CKB: variants seen among roughly 807,000 people sequenced by gnomAD.
CKB encodes creatine kinase B-type.
A neutral mutation model predicts 36.9 loss-of-function variants in CKB; 15 were observed. The ratio of observed to expected loss-of-function variants is 0.41; its 90% CI spans 0.27 to 0.63. CKB has a LOEUF of 0.63. Ranked by LOEUF, CKB falls within the 20% of genes least tolerant of loss-of-function variation. The pLI is 0.34. For missense variants in CKB, 413 were observed against 534.9 expected, an observed-to-expected ratio of 0.77 and a Z score of 2.25; for synonymous variants, 250 against 228.2, an observed-to-expected ratio of 1.10 and a Z score of -0.86.
chr14:103,521,168 GCCGCGAGGGGCCCCACCC>G (rs2075897511), intron 5 of CKB, 77 bp downstream of exon 5: 7 of 1,418,844 alleles, frequency 4.9e-6, no homozygotes, highest in East Asian at 5.0e-5. Flanking sequence ...CCTCCTCCTC[GCCGCGAGGGGCCCCACCC>G]CCGCGAGGGG....
In CKB at chr14:103,522,511, G is replaced by A. The variant is rs1056596056; in HGVS notation, c.-12-6C>T. On this transcript the variant is annotated splice_region_variant and splice_polypyrimidine_tract_variant and intron_variant, in intron 1 of 7. Coordinates refer to ENST00000348956, the MANE Select transcript of CKB (RefSeq NM_001823.5). The surrounding 1 kb of genome is among the most constrained non-coding windows in gnomAD (Gnocchi z 6.7). ...AAGGGCATGGCGGCGGCGGGCTGCG[G>A]GGAGACGCGGGGTCAGAGGGGACCG... 1.9e-6 allele frequency: 3 copies of A among 1,587,854 alleles called. No individual in the cohort carries two copies. Among genetic ancestry groups the A allele is most frequent in the East Asian group, 2.3e-5 (1 of 42,630 alleles).
Position 103,522,728 on chromosome 14 carries a change from C to G in CKB, c.-13+38G>C, listed in dbSNP as rs1332199382. 2 of 151,360 alleles carry G rather than the reference C, an allele frequency of 1.3e-5. No individual in the cohort carries two copies. Among genetic ancestry groups the G allele is most frequent in the East Asian group, 3.9e-4 (2 of 5,090 alleles). The allele number at this position is 151,360 out of a possible 1,614,324, so 9.4% of individuals were successfully genotyped here. A position where few individuals can be genotyped will look rare whatever the true frequency, so the allele number is the denominator to read the frequency against. Reference sequence around the variant, plus strand: ...CCCCCTTTGCACGCAGCGCCCCTAGCCCGGGCGCGGACGCCCCCGGCCCCC... The same window carrying G: ...CCCCCTTTGCACGCAGCGCCCCTAGGCCGGGCGCGGACGCCCCCGGCCCCC... On this transcript the variant is annotated intron_variant, in intron 1 of 7. Transcript: ENST00000348956. The surrounding 1 kb of genome is among the most constrained non-coding windows in gnomAD (Gnocchi z 6.7).
Position 103,519,755 on chromosome 14 carries a change from C to T in CKB, c.*109G>A. ...CTACCAAGGGTGACGGAAGTCTCTA[C>T]AGCAAGGCTAAGGGCTCGCCAGACG... On this transcript the variant is annotated 3_prime_UTR_variant, in exon 8 of 8. Coordinates refer to ENST00000348956, the MANE Select transcript of CKB (RefSeq NM_001823.5). 2 of 1,289,718 alleles carry T rather than the reference C, an allele frequency of 1.6e-6. No homozygotes were observed. Among genetic ancestry groups the T allele is most frequent in the Non-Finnish European group, 2.1e-6 (2 of 943,334 alleles). 79.9% of individuals were successfully genotyped at this position (1,289,718 alleles called of 1,614,324 possible).
At chr14:103,521,170 C>G in intron 5 of CKB, 93 bp downstream of exon 5, 1 of 1,445,232 alleles carries the variant, frequency 6.9e-7, no homozygotes, top group Non-Finnish European at 9.3e-7. Context: ...TCCTCCTCGC[C>G]GCGAGGGGCC....
At chr14:103,521,619 C>T in intron 4 of CKB, 185 bp from the exon 5 acceptor site, 2 of 913,328 alleles carry the variant, frequency 2.2e-6, no homozygotes, top group Non-Finnish European at 3.0e-6. Flanking sequence ...CCAGGACCCG[C>T]CCTCCCTGGG....
chr14:103,522,275 G>A lies in CKB; in HGVS notation c.193+26C>T, dbSNP rs2985906. 2.7e-5 allele frequency: 43 copies of A among 1,585,854 alleles called. 2 individuals are homozygous for A. Among genetic ancestry groups the A allele is most frequent in the Admixed American group, 2.0e-4 (11 of 56,152 alleles). The stretch of plus-strand genomic sequence containing the variant: ...GCTGCGCGGGGGGAGGGGGGGCCGG[G>A]ACCCCGGCCCCGAGGGGTCGCGTAC... On this transcript the variant is annotated intron_variant, in intron 2 of 7. Coordinates refer to ENST00000348956, the MANE Select transcript of CKB (RefSeq NM_001823.5). The surrounding 1 kb of genome is among the most constrained non-coding windows in gnomAD (Gnocchi z 6.7).
chr14:103,520,901 C>G (rs530516883), intron 5 of CKB, among the ~76,000 whole-genome samples: 24 of 152,278 alleles, frequency 1.6e-4, no homozygotes, highest in Admixed American at 1.0e-3. Flanking sequence ...CGTCACCAGC[C>G]CCTGGTAGAA....
intron 6 of CKB, 60 bp from the exon 7 acceptor site, chr14:103,520,371 A>AGACT: frequency 6.3e-7 from 1 of 1,585,664 alleles, no homozygotes; most frequent in Non-Finnish European, 8.6e-7. Context: ...ACAGGCCCTG[A>AGACT]GACTCCCCAG....
In CKB at chr14:103,521,443, G is replaced by T; in HGVS notation, c.482-9C>A. The T allele has an allele frequency of 6.3e-7, 1 of 1,577,060 alleles. No individual in the cohort carries two copies. The highest frequency in any genetic ancestry group is 8.5e-7 in the Non-Finnish European group (1 of 1,169,912). On this transcript the variant is annotated splice_polypyrimidine_tract_variant and intron_variant, in intron 4 of 7. Coordinates refer to ENST00000348956, the MANE Select transcript of CKB (RefSeq NM_001823.5). ...GTCCAGGCTGGACAGGGCTGCGAGG[G>T]GTGCGCTCAGGACGCTCGGCTCCCG...
In CKB at chr14:103,522,451, G is replaced by A. The variant is rs748772002; in HGVS notation, c.43C>T (p.Pro15Ser). The A allele has an allele frequency of 6.2e-7, 1 of 1,609,606 alleles. No individual in the cohort carries two copies. The highest frequency in any genetic ancestry group is 8.5e-7 in the Non-Finnish European group (1 of 1,178,648). The change falls in exon 2 of 8, where the codon CCG becomes TCG. Residue 15 changes from proline (P) to serine (S), a missense_variant. Pro to Ser is a moderately conservative substitution (Grantham distance 74). Coordinates refer to ENST00000348956, the MANE Select transcript of CKB (RefSeq NM_001823.5). This position sits in a 1 kb window ranked among gnomAD's most constrained non-coding sequence, Gnocchi z 6.7. ...NSHNALKLRF[P>S]AEDEFPDLSA... ...AGGTCGGGGAACTCGTCCTCGGCCG[G>A]GAAGCGCAGCTTCAGTGCGTTGTGG... is the stretch of plus-strand genomic sequence containing the variant.
chr14:103,521,174 A>C, intron 5 of CKB, 89 bp downstream of exon 5: 1,108 of 1,293,270 alleles, frequency 8.6e-4, no homozygotes, highest in Non-Finnish European at 1.1e-3. Context: ...CCTCGCCGCG[A>C]GGGGCCCCAC....
chr14:103,522,032 G>A lies in CKB; in HGVS notation c.339C>T (p.Asp113=), dbSNP rs1196484285. 5.2e-6 allele frequency: 8 copies of A among 1,527,998 alleles called. No individual in the cohort carries two copies. The highest frequency in any genetic ancestry group is 6.2e-6 in the Non-Finnish European group (7 of 1,133,126). The allele number at this position is 1,527,998 out of a possible 1,614,324, so 94.7% of individuals were successfully genotyped here. The change falls in exon 3 of 8, where the codon GAC becomes GAT. Residue 113 remains aspartate, a synonymous_variant. Transcript: ENST00000348956. The surrounding 1 kb of genome is among the most constrained non-coding windows in gnomAD (Gnocchi z 6.7). ...GCCCGCAGCCCCGCACCTGCAGGTT[G>A]TCGGGGTTGAGGTCGGTCTTGTGCT... ...SDEHKTDLNP[D]NLQGGDDLDP...
rs2075904012 is a variant in CKB at position 103,521,893 on chromosome 14, T to C, written c.406A>G (p.Ser136Gly). ...VLSSRVRTGR[S>G]IRGFCLPPHC... ...GGGGGGAGGCAGAAGCCACGGATGC[T>C]GCGGCCCGTGCGCACCCGCGAGCTC... The change falls in exon 4 of 8, where the codon AGC (serine) becomes GGC (glycine). Residue 136 changes from serine (S) to glycine (G), a missense_variant. By Grantham distance (56) the Ser-to-Gly change is moderately conservative. Transcript: ENST00000348956. 1.9e-6 allele frequency: 3 copies of C among 1,571,598 alleles called. No individual in the cohort carries two copies. The highest frequency in any genetic ancestry group is 2.3e-5 in the East Asian group (1 of 43,168).
At chr14:103,521,190 C>T in intron 5 of CKB, 73 bp downstream of exon 5, 2 of 1,503,862 alleles carry the variant, frequency 1.3e-6, no homozygotes, top group Non-Finnish European at 1.8e-6. Flanking sequence ...CCCACCCCCG[C>T]GAGGGGGGCG....
At position 103,522,423 on chromosome 14, in the gene CKB, C is replaced by T; in HGVS notation, c.71G>A (p.Ser24Asn). Residue 24 changes from serine (S) to asparagine (N), a missense_variant, in exon 2 of 8, where the codon AGC becomes AAC. By Grantham distance (46) the Ser-to-Asn change is conservative. Around this residue, in one of 3 missense-constraint regions of CKB, gnomAD observed 74 missense variants for 70.6 expected, o/e 1.05. Coordinates refer to ENST00000348956, the MANE Select transcript of CKB (RefSeq NM_001823.5). The surrounding 1 kb of genome is among the most constrained non-coding windows in gnomAD (Gnocchi z 6.7). ...CTTGGCCATGTGGTTGTTGTGGGCG[C>T]TCAGGTCGGGGAACTCGTCCTCGGC... is the stretch of plus-strand genomic sequence containing the variant. ...FPAEDEFPDL[S>N]AHNNHMAKVL... The T allele has an allele frequency of 6.2e-7, 1 of 1,610,368 alleles. No individual in the cohort carries two copies. The highest frequency in any genetic ancestry group is 8.5e-7 in the Non-Finnish European group (1 of 1,178,754).
rs747338621 is a variant in CKB, at chr14:103,522,278, C to G, written c.193+23G>C. The stretch of plus-strand genomic sequence containing the variant: ...GCGCGGGGGGAGGGGGGGCCGGGAC[C>G]CCGGCCCCGAGGGGTCGCGTACCCG... On this transcript the variant is annotated intron_variant, in intron 2 of 7. Coordinates refer to ENST00000348956, the MANE Select transcript of CKB (RefSeq NM_001823.5). This position sits in a 1 kb window ranked among gnomAD's most constrained non-coding sequence, Gnocchi z 6.7. 9 of 1,589,238 alleles carry G rather than the reference C, an allele frequency of 5.7e-6. No homozygotes were observed. The South Asian group carries it at 6.7e-5, about 12-fold the overall frequency.
chr14:103,519,935 G>T lies in CKB; in HGVS notation c.1075C>A (p.Leu359Met). The change falls in exon 8 of 8, where the codon CTG becomes ATG. Residue 359 changes from leucine (L) to methionine (M), a missense_variant. Transcript: ENST00000348956. ...AGCCGCTGCTCCATCTCGATGAGCAGCTTCACTCCGTCCACCACCATCTGC... is the reference window on the plus strand; with the variant it reads ...AGCCGCTGCTCCATCTCGATGAGCATCTTCACTCCGTCCACCACCATCTGC... Reference protein sequence around the residue: ...LVQMVVDGVKLLIEMEQRLEQ... With the variant: ...LVQMVVDGVKMLIEMEQRLEQ... The T allele has an allele frequency of 6.2e-7, 1 of 1,610,068 alleles. No individual in the cohort carries two copies. Among genetic ancestry groups the T allele is most frequent in the Middle Eastern group, 1.6e-4 (1 of 6,062 alleles).
At chr14:103,521,137 C>A in intron 5 of CKB, 126 bp downstream of exon 5, 1 of 1,193,346 alleles carries the variant, frequency 8.4e-7, no homozygotes, top group South Asian at 1.3e-5. Context: ...GGAGCGCGGC[C>A]GGCCCCTCCC....
At chr14:103,520,863 A>C (rs2075895168) in intron 5 of CKB, 3 of 502,526 alleles carry the variant, frequency 6.0e-6, no homozygotes, top group South Asian at 4.2e-5. Context: ...CAGTGGGGGT[A>C]GGAGCCCTGC....
Sources: gnomAD v4.1 joint callset for allele counts (sites outside exome capture counted in the v4.1 genomes callset) on GRCh38, gnomAD v4.1.1 for gene constraint, gnomAD v4.1.1 regional missense constraint, Gnocchi (gnomAD v3.1) non-coding constraint, MANE v1.5 for transcripts, NCBI Gene and HGNC (gene_info 2026-07-23, HGNC 2026-07-21) for gene names.